Variants in LRRC72 observed in about 807,000 individuals in gnomAD.
LRRC72 encodes leucine-rich repeat-containing protein 72.
A neutral mutation model predicts 35.8 loss-of-function variants in LRRC72; 41 were observed. The observed-to-expected ratio is 1.15, with a 90% CI of 0.89 to 1.49. The LOEUF is 1.49. Among genes scored for constraint, LRRC72 ranks in the 40% most tolerant of loss-of-function variants. The probability of loss-of-function intolerance (pLI) is 0.00; values close to 1 mark genes in which losing one functional copy is unlikely to be tolerated. For missense variants in LRRC72, 389 were observed against 330.7 expected, an observed-to-expected ratio of 1.18 and a Z score of -1.37; for synonymous variants, 118 against 119.2, an observed-to-expected ratio of 0.99 and a Z score of 0.07.
chr7:16,543,033 T>C (rs1164239759), intron 3 of LRRC72, among the ~76,000 whole-genome samples: 1 of 152,230 alleles, frequency 6.6e-6, no homozygotes, highest in Non-Finnish European at 1.5e-5. Flanking sequence ...TATTGATCAG[T>C]AATTGACTGG....
chr7:16,542,778 TC>T (rs2128335587), intron 3 of LRRC72, among the ~76,000 whole-genome samples: 1 of 152,328 alleles, frequency 6.6e-6, no homozygotes, highest in East Asian at 1.9e-4. Flanking sequence ...TTAGTAGCTA[TC>T]TTTTTTAGGA....
chr7:16,570,684 G>C (rs1782927057), intron 7 of LRRC72, among the ~76,000 whole-genome samples: 1 of 152,002 alleles, frequency 6.6e-6, no homozygotes, highest in Admixed American at 6.6e-5. Context: ...GCTGGGTTTG[G>C]TGGCGAGCAC....
intron 2 of LRRC72, chr7:16,532,878 A>T (rs1002328208): frequency 1.1e-5 from 4 of 349,836 alleles, no homozygotes; most frequent in Non-Finnish European, 2.2e-5. Context: ...AGTATATAGG[A>T]CATCCAGTTG....
At chr7:16,564,215 A>T (rs1782788932) in intron 5 of LRRC72, among the ~76,000 whole-genome samples, 1 of 152,202 alleles carries the variant, frequency 6.6e-6, no homozygotes, top group Admixed American at 6.5e-5. Flanking sequence ...GTCAGATGTG[A>T]TTCCCCAAGA....
intron 7 of LRRC72, among the ~76,000 whole-genome samples, chr7:16,571,579 G>A (rs1044057005): frequency 6.6e-6 from 1 of 152,188 alleles, no homozygotes; most frequent in South Asian, 2.1e-4. Context: ...CCTCACCCGG[G>A]AAGTGCAAAG....
chr7:16,541,600 A>G (rs1782358046), intron 3 of LRRC72, among the ~76,000 whole-genome samples: 1 of 152,194 alleles, frequency 6.6e-6, no homozygotes, highest in Non-Finnish European at 1.5e-5. Flanking sequence ...AGGGCATACA[A>G]ATTCAAAACA....
chr7:16,536,878 A>G (rs985678165), intron 2 of LRRC72: 5 of 152,206 alleles, frequency 3.3e-5, no homozygotes, highest in African/African-American at 1.2e-4. Flanking sequence ...ATAAATAAAC[A>G]GATACGTACA....
intron 4 of LRRC72, among the ~76,000 whole-genome samples, chr7:16,558,215 C>T (rs1367647935): frequency 6.6e-6 from 1 of 152,072 alleles, no homozygotes; most frequent in Non-Finnish European, 1.5e-5. Context: ...ATCTAAGTAG[C>T]ATTGACAAGG....
At chr7:16,557,306 G>A in intron 3 of LRRC72, 54 bp from the exon 4 acceptor site, 3 of 485,496 alleles carry the variant, frequency 6.2e-6, no homozygotes, top group Non-Finnish European at 1.0e-5. Context: ...TTATATTGAT[G>A]TAATATATAC....
At chr7:16,557,157 C>A (rs1042894652) in intron 3 of LRRC72, among the ~76,000 whole-genome samples, 20 of 152,144 alleles carry the variant, frequency 1.3e-4, no homozygotes, top group Admixed American at 5.9e-4. Context: ...TAAAAATATT[C>A]TTTTCATCAC....
intron 3 of LRRC72, among the ~76,000 whole-genome samples, chr7:16,546,907 G>T (rs931011154): frequency 5.3e-5 from 8 of 152,164 alleles, no homozygotes; most frequent in African/African-American, 1.7e-4. Context: ...ACTGATGGTG[G>T]TGGCAGACCG....
intron 3 of LRRC72, among the ~76,000 whole-genome samples, chr7:16,556,684 C>T (rs533057579): frequency 6.6e-6 from 1 of 152,090 alleles, no homozygotes; most frequent in African/African-American, 2.4e-5. Context: ...AAATCTGACT[C>T]AAAGTGCTGA....
intron 1 of LRRC72, among the ~76,000 whole-genome samples, chr7:16,527,637 A>G (rs1297492961): frequency 2.0e-5 from 3 of 152,118 alleles, no homozygotes; most frequent in Non-Finnish European, 1.5e-5. Flanking sequence ...AAAAAATCTC[A>G]GAATTGTGCC....
intron 3 of LRRC72, among the ~76,000 whole-genome samples, chr7:16,548,838 C>T (rs1782497197): frequency 6.6e-6 from 1 of 152,234 alleles, no homozygotes; most frequent in Non-Finnish European, 1.5e-5. Flanking sequence ...CCCCAAAGAT[C>T]CCGCAACACG....
At chr7:16,571,527 G>T (rs1325997128) in intron 7 of LRRC72, among the ~76,000 whole-genome samples, 1 of 152,176 alleles carries the variant, frequency 6.6e-6, no homozygotes, top group Non-Finnish European at 1.5e-5. Context: ...TAGACAATGG[G>T]TGCAGCCCAC....
At position 16,527,028 on chromosome 7, in the gene LRRC72, C is replaced by A. The variant is rs1562733508; in HGVS notation, c.76C>A (p.Gln26Lys). 3.2e-6 allele frequency: 5 copies of A among 1,538,562 alleles called. No homozygotes were observed. The highest frequency in any genetic ancestry group is 3.9e-5 in the Admixed American group (2 of 50,990). ...RLRRASETAL[Q>K]SSRRAVEDQL... is the part of the protein sequence containing the mutation. ...ACGGAGGGCATCCGAAACTGCCCTA[C>A]AGAGCAGTCGCCGGGTAAGCGGCAC... Residue 26 changes from glutamine (Q) to lysine (K), a missense_variant, in exon 1 of 9, where the codon CAG (glutamine) becomes AAG (lysine). Physicochemically the swap from Gln to Lys is moderately conservative, Grantham distance 53. Transcript: ENST00000401542.
intron 7 of LRRC72, among the ~76,000 whole-genome samples, chr7:16,573,025 C>G (rs1020756441): frequency 1.3e-5 from 2 of 151,994 alleles, no homozygotes; most frequent in African/African-American, 4.8e-5. Context: ...AAACAGAGAG[C>G]CAAATCATGA....
At position 16,526,921 on chromosome 7, in the gene LRRC72, A is replaced by G. The variant is rs1218024009; in HGVS notation, c.-32A>G. Reference sequence around the variant, plus strand: ...GCCACCGGCGGGCGAGGCCGGATTAATCACCGCTGCTTCGGCCGCCCATGT... The same window carrying G: ...GCCACCGGCGGGCGAGGCCGGATTAGTCACCGCTGCTTCGGCCGCCCATGT... On this transcript the variant is annotated 5_prime_UTR_variant, in exon 1 of 9. Transcript: ENST00000401542. 27 of 1,524,942 alleles carry G rather than the reference A, an allele frequency of 1.8e-5. No individual in the cohort carries two copies. In the Admixed American group the frequency reaches 5.1e-4, roughly 29 times the overall value. The allele number at this position is 1,524,942 out of a possible 1,614,324, so 94.5% of individuals were successfully genotyped here.
intron 3 of LRRC72, among the ~76,000 whole-genome samples, chr7:16,550,693 C>T (rs1782534492): frequency 6.6e-6 from 1 of 152,144 alleles, no homozygotes; most frequent in African/African-American, 2.4e-5. Context: ...TGATTTTTCT[C>T]TTCTAGAAAA....
Sources: gnomAD v4.1 joint callset for allele counts (sites outside exome capture counted in the v4.1 genomes callset) on GRCh38, gnomAD v4.1.1 for gene constraint, MANE v1.5 for transcripts, NCBI Gene and HGNC (gene_info 2026-07-23, HGNC 2026-07-21) for gene names.